The following ALKBH8 variants were observed in gnomAD, a reference collection of about 807,000 sequenced individuals.
ALKBH8 encodes alkB homolog 8, tRNA methyltransferase, also known as tRNA (carboxymethyluridine(34)-5-O)-methyltransferase ALKBH8.
Under a neutral mutation model 59.8 loss-of-function variants are expected in ALKBH8, and 36 were observed. That is an observed-to-expected ratio of 0.60 (90% CI 0.46 to 0.79). The LOEUF (loss-of-function observed/expected upper bound fraction) is 0.79, where lower values mean the gene tolerates loss of function less well. Ranked by LOEUF, ALKBH8 falls within the 30% of genes least tolerant of loss-of-function variation. ALKBH8 has a pLI of 0.00. For missense variants in ALKBH8, 768 were observed against 801.0 expected (o/e 0.96, Z 0.50); for synonymous variants, 276 against 273.6 (o/e 1.01, Z -0.09).
chr11:107,506,133 CT>C lies in ALKBH8; in HGVS notation c.1438-919del, dbSNP rs534064519. 2.0e-3 allele frequency among the ~76,000 whole-genome samples: 303 copies of C among 152,192 alleles called. 9 individuals are homozygous for C. The highest frequency in any genetic ancestry group is 0.016 in the Admixed American group (251 of 15,278). ...AAGATCTGCCAAGGTATAAAATAGC[CT>C]TGGAGTACATTCCAGGCTTTCACTT... On this transcript the variant is annotated intron_variant, in intron 11 of 11. Coordinates refer to ENST00000428149, the MANE Select transcript of ALKBH8 (RefSeq NM_138775.3).
At chr11:107,535,815 A>G (rs1863792174) in intron 7 of ALKBH8, among the ~76,000 whole-genome samples, 1 of 152,116 alleles carries the variant, frequency 6.6e-6, no homozygotes, top group Admixed American at 6.5e-5. Context: ...AGTACACAGT[A>G]AGCACTTTAT....
chr11:107,515,938 T>G (rs933228520), intron 10 of ALKBH8, among the ~76,000 whole-genome samples: 2 of 152,214 alleles, frequency 1.3e-5, no homozygotes, highest in Non-Finnish European at 2.9e-5. Flanking sequence ...AGGTTTATAA[T>G]TTTTGACCAA....
intron 11 of ALKBH8, 30 bp from the exon 12 acceptor site, chr11:107,505,245 A>C (rs1467274388): frequency 2.7e-6 from 4 of 1,467,048 alleles, no homozygotes; most frequent in African/African-American, 2.9e-5. Context: ...CACATGATCA[A>C]CCTGGAAGAG....
chr11:107,547,356 T>C (rs1208271423), intron 7 of ALKBH8, among the ~76,000 whole-genome samples: 1 of 152,210 alleles, frequency 6.6e-6, no homozygotes, highest in Non-Finnish European at 1.5e-5. Flanking sequence ...GTCATCTCTC[T>C]CATGACCACT....
chr11:107,543,176 A>C (rs1183704698), intron 7 of ALKBH8, among the ~76,000 whole-genome samples: 1 of 152,098 alleles, frequency 6.6e-6, no homozygotes, highest in Non-Finnish European at 1.5e-5. Flanking sequence ...GTCTCTACTA[A>C]AAATACAAAA....
At chr11:107,514,206 T>C (rs1862761838) in intron 10 of ALKBH8, among the ~76,000 whole-genome samples, 1 of 152,174 alleles carries the variant, frequency 6.6e-6, no homozygotes, top group Non-Finnish European at 1.5e-5. Flanking sequence ...ACAGTATTTT[T>C]ATTAAAAGTT....
chr11:107,507,882 T>C (rs1429507593), intron 11 of ALKBH8, among the ~76,000 whole-genome samples: 1 of 152,174 alleles, frequency 6.6e-6, no homozygotes, highest in African/African-American at 2.4e-5. Flanking sequence ...ATTTTCCACA[T>C]AAAATCTTAT....
chr11:107,549,049 C>G (rs570387135), intron 7 of ALKBH8, among the ~76,000 whole-genome samples: 1 of 152,164 alleles, frequency 6.6e-6, no homozygotes, highest in South Asian at 2.1e-4. Context: ...GACGGGGTTT[C>G]ACCGTGTTAG....
intron 7 of ALKBH8, among the ~76,000 whole-genome samples, chr11:107,534,824 G>T (rs1464253080): frequency 1.3e-5 from 2 of 149,516 alleles, no homozygotes; most frequent in Non-Finnish European, 3.0e-5. Flanking sequence ...AAGTTCTTTA[G>T]TGGTGATTTC....
chr11:107,528,695 CA>C (rs761468174), intron 8 of ALKBH8, among the ~76,000 whole-genome samples: 6 of 152,142 alleles, frequency 3.9e-5, no homozygotes, highest in Non-Finnish European at 7.4e-5. Context: ...GCTTTTCCAA[CA>C]ATCTCAAATG....
intron 9 of ALKBH8, 70 bp from the exon 10 acceptor site, chr11:107,522,625 A>G (rs762740092): frequency 1.9e-5 from 27 of 1,449,682 alleles, no homozygotes; most frequent in Non-Finnish European, 2.5e-5. Flanking sequence ...GTTTTCTTAA[A>G]TGAAAAAAAA....
intron 8 of ALKBH8, 32 bp from the exon 9 acceptor site, chr11:107,525,624 C>T (rs2135509481): frequency 7.6e-7 from 1 of 1,318,606 alleles, no homozygotes. Flanking sequence ...ATTTACTTAA[C>T]ATTGTATTAA....
chr11:107,520,423 C>G (rs1373416313), intron 10 of ALKBH8, among the ~76,000 whole-genome samples: 3 of 152,136 alleles, frequency 2.0e-5, no homozygotes, highest in Admixed American at 6.5e-5. Context: ...TTCTCAATTG[C>G]AACATAATAA....
intron 7 of ALKBH8, among the ~76,000 whole-genome samples, chr11:107,533,217 G>T (rs977882658): frequency 2.6e-5 from 4 of 151,998 alleles, no homozygotes; most frequent in Non-Finnish European, 5.9e-5. Context: ...AACTTAAAAG[G>T]CTTACTATAG....
rs777750023 is a variant in ALKBH8, at chr11:107,556,786, T to C, written c.347A>G (p.Tyr116Cys). ...VDDLGQKITLYLNFVEKVQWK... is the reference protein window; with the variant it reads ...VDDLGQKITLCLNFVEKVQWK... ...AATACCTTTTTCCACAAAATTCAAA[T>C]ACAGAGTGATCTTTTGTCCTAAATC... Residue 116 changes from tyrosine (Y) to cysteine (C), a missense_variant, in exon 3 of 12, where the codon TAT (tyrosine) becomes TGT (cysteine). Transcript: ENST00000428149. 8 of 1,401,802 alleles carry C rather than the reference T, an allele frequency of 5.7e-6. No individual in the cohort carries two copies. Among genetic ancestry groups the C allele is most frequent in the East Asian group, 2.7e-5 (1 of 37,424 alleles). The allele number at this position is 1,401,802 out of a possible 1,614,324, so 86.8% of individuals were successfully genotyped here.
At chr11:107,513,634 T>C (rs910840469) in intron 10 of ALKBH8, among the ~76,000 whole-genome samples, 1 of 152,160 alleles carries the variant, frequency 6.6e-6, no homozygotes, top group Non-Finnish European at 1.5e-5. Flanking sequence ...TGACATGGAA[T>C]CAACCTAGGT....
chr11:107,537,822 C>T (rs1050336547), intron 7 of ALKBH8, among the ~76,000 whole-genome samples: 1 of 151,958 alleles, frequency 6.6e-6, no homozygotes, highest in African/African-American at 2.4e-5. Context: ...AAAATTCATG[C>T]CAATAAATCA....
At position 107,504,779 on chromosome 11, in the gene ALKBH8, C is replaced by T. The variant is rs770226540; in HGVS notation, c.1874G>A (p.Arg625His). Residue 625 changes from arginine (R) to histidine (H), a missense_variant, in exon 12 of 12, where the codon CGT becomes CAT. Transcript: ENST00000428149. ...TCCCTCACGGAACACATGGTAGTAACGATGAAACACAGGACTTGGGTCCTG... is the reference window on the plus strand; with the variant it reads ...TCCCTCACGGAACACATGGTAGTAATGATGAAACACAGGACTTGGGTCCTG... ...GSQDPSPVFH[R>H]YYHVFREGEL... 1.9e-5 allele frequency: 29 copies of T among 1,551,858 alleles called. No individual in the cohort carries two copies. The highest frequency in any genetic ancestry group is 2.4e-5 in the South Asian group (2 of 84,060).
intron 11 of ALKBH8, among the ~76,000 whole-genome samples, chr11:107,505,973 G>A (rs927642569): frequency 6.6e-6 from 1 of 152,178 alleles, no homozygotes; most frequent in Non-Finnish European, 1.5e-5. Flanking sequence ...AACACCCTTT[G>A]AAGCATTTGC....
Sources: gnomAD v4.1 joint callset for allele counts (sites outside exome capture counted in the v4.1 genomes callset) on GRCh38, gnomAD v4.1.1 for gene constraint, MANE v1.5 for transcripts, NCBI Gene and HGNC (gene_info 2026-07-23, HGNC 2026-07-21) for gene names.